Variants in MORF4L1 observed in about 807,000 individuals in gnomAD.
MORF4L1 encodes the protein mortality factor 4 like 1.
In MORF4L1, 4 loss-of-function variants were observed where a neutral mutation model predicts 52.9. The ratio of observed to expected loss-of-function variants is 0.08; its 90% confidence interval spans 0.04 to 0.17. MORF4L1 has a LOEUF of 0.17. Ranked by LOEUF, MORF4L1 falls within the 10% of genes least tolerant of loss-of-function variation. The pLI, the probability that MORF4L1 is intolerant of heterozygous loss-of-function variation, is 1.00. For synonymous variants in MORF4L1, 123 were observed against 134.8 expected (o/e 0.91, Z 0.61); for missense variants, 214 against 390.4 (o/e 0.55, Z 3.81).
intron 3 of MORF4L1, among the ~76,000 whole-genome samples, chr15:78,883,599 C>T (rs535492735): frequency 2.6e-5 from 4 of 151,170 alleles, no homozygotes; most frequent in Admixed American, 2.6e-4. Context: ...ACTAATTTGA[C>T]ACATATTAAT....
At chr15:78,885,677 G>A (rs6495350) in intron 3 of MORF4L1, among the ~76,000 whole-genome samples, 4,351 of 152,244 alleles carry the variant, frequency 0.029, 240 homozygotes, top group African/African-American at 0.1. Context: ...ACAGTTATTT[G>A]AGATAAGTAC....
chr15:78,891,017 AAG>A lies in MORF4L1; in HGVS notation c.349+5_349+6del. Reference sequence around the variant, plus strand: ...AACGAAAAAGAACAAACAGAAAAGTAAGAATATTAACTTTCTTAACGTTAATT... The same window carrying A: ...AACGAAAAAGAACAAACAGAAAAGTAAATATTAACTTTCTTAACGTTAATT... On this transcript the variant is annotated splice_donor_5th_base_variant and intron_variant, in intron 6 of 11. Transcript: ENST00000426013. The A allele has an allele frequency of 2.7e-6, 4 of 1,467,414 alleles. No homozygotes were observed. Among genetic ancestry groups the A allele is most frequent in the Non-Finnish European group, 2.8e-6 (3 of 1,087,248 alleles). 90.9% of individuals were successfully genotyped at this position (1,467,414 alleles called of 1,614,324 possible). A position where few individuals can be genotyped will look rare whatever the true frequency, so the allele number is the denominator to read the frequency against.
chr15:78,887,558 T>C (rs369003017), intron 5 of MORF4L1: 8 of 427,078 alleles, frequency 1.9e-5, no homozygotes, highest in African/African-American at 1.0e-4. Context: ...TTAACTTGTG[T>C]GTATAAATAT....
At chr15:78,885,926 T>C (rs1454571108) in intron 3 of MORF4L1, among the ~76,000 whole-genome samples, 4 of 152,268 alleles carry the variant, frequency 2.6e-5, no homozygotes, top group East Asian at 1.9e-4. Flanking sequence ...TTTTGGACTC[T>C]GGCAGCTTAG....
rs753429550 is a variant in MORF4L1, at chr15:78,897,084, C to G, written c.*17C>G. 1.9e-6 allele frequency: 3 copies of G among 1,587,790 alleles called. No homozygotes were observed. The African/African-American group carries it at 4.0e-5, about 21-fold the overall frequency. On this transcript the variant is annotated 3_prime_UTR_variant, in exon 12 of 12. Coordinates refer to ENST00000426013, the MANE Select transcript of MORF4L1 (RefSeq NM_006791.4). ...GCTGTGTGAGAGGCACTCTCACTCA[C>G]TTATGTTTGGATCTCCGTAAACACA...
intron 4 of MORF4L1, among the ~76,000 whole-genome samples, chr15:78,886,616 CTA>C (rs764236563): frequency 2.0e-5 from 3 of 152,070 alleles, no homozygotes; most frequent in Non-Finnish European, 2.9e-5. Context: ...CTGAAAGACT[CTA>C]TGATTTATAG....
chr15:78,896,922 A>C, intron 11 of MORF4L1, 61 bp from the exon 12 acceptor site: 2 of 1,262,366 alleles, frequency 1.6e-6, no homozygotes, highest in Non-Finnish European at 2.3e-6. Context: ...AATATATAGG[A>C]AGAGATTTGG....
chr15:78,887,542 C>G (rs1282215214), intron 5 of MORF4L1, 193 bp downstream of exon 5: 9 of 455,564 alleles, frequency 2.0e-5, no homozygotes, highest in South Asian at 4.2e-5. Context: ...CAGGTTCCCC[C>G]TCCCTTTAAC....
chr15:78,881,919 C>T (rs1191268660), intron 3 of MORF4L1, among the ~76,000 whole-genome samples: 1 of 152,160 alleles, frequency 6.6e-6, no homozygotes, highest in Non-Finnish European at 1.5e-5. Context: ...TTTATTTTTC[C>T]TGTGAAGTTC....
intron 5 of MORF4L1, chr15:78,890,605 C>G (rs558843293): frequency 1.3e-5 from 2 of 153,820 alleles, no homozygotes; most frequent in Non-Finnish European, 2.9e-5. Flanking sequence ...CCTCAGCTTC[C>G]CAAGTAGCTG....
At position 78,894,348 on chromosome 15, in the gene MORF4L1, T is replaced by C. The variant is rs187578035; in HGVS notation, c.802+118T>C. The C allele has an allele frequency of 6.7e-4, 508 of 758,090 alleles. 3 individuals carry two copies. In the African/African-American group the frequency reaches 8.3e-3, roughly 12 times the overall value. The allele number at this position is 758,090 out of a possible 1,614,324, so 47.0% of individuals were successfully genotyped here. A position where few individuals can be genotyped will look rare whatever the true frequency, so the allele number is the denominator to read the frequency against. On this transcript the variant is annotated intron_variant, in intron 10 of 11. Transcript: ENST00000426013. The stretch of plus-strand genomic sequence containing the variant: ...ACTCCCATTTTAATTTGAACTTTTA[T>C]CTAGAATGTTAAATAGCAAAATCTC...
At position 78,897,984 on chromosome 15, in the gene MORF4L1, T is replaced by C. The variant is rs1330353978; in HGVS notation, c.*917T>C. 6.6e-6 allele frequency: 1 copy of C among 152,286 alleles called. No individual in the cohort carries two copies. Among genetic ancestry groups the C allele is most frequent in the South Asian group, 2.1e-4 (1 of 4,832 alleles). The allele number at this position is 152,286 out of a possible 1,614,324, so 9.4% of individuals were successfully genotyped here. A position where few individuals can be genotyped will look rare whatever the true frequency, so the allele number is the denominator to read the frequency against. Reference sequence around the variant, plus strand: ...ATTTTCCCTAAATTATTACTTACTCTGAGCATTAATTAAGGGCATTTTCAC... The same window carrying C: ...ATTTTCCCTAAATTATTACTTACTCCGAGCATTAATTAAGGGCATTTTCAC... On this transcript the variant is annotated 3_prime_UTR_variant, in exon 12 of 12. Coordinates refer to ENST00000426013, the MANE Select transcript of MORF4L1 (RefSeq NM_006791.4).
At chr15:78,878,752 T>C (rs2141591216) in intron 2 of MORF4L1, among the ~76,000 whole-genome samples, 1 of 152,342 alleles carries the variant, frequency 6.6e-6, no homozygotes, top group South Asian at 2.1e-4. Flanking sequence ...TTATAAAAAC[T>C]GATTTTACAT....
intron 11 of MORF4L1, among the ~76,000 whole-genome samples, chr15:78,895,302 TAC>T (rs141995481): frequency 2.7e-5 from 4 of 148,966 alleles, no homozygotes; most frequent in African/African-American, 4.9e-5. Flanking sequence ...GTACCTTTAA[TAC>T]ACACAGAGTT....
chr15:78,877,494 C>T (rs970185863), intron 1 of MORF4L1, among the ~76,000 whole-genome samples: 3 of 152,138 alleles, frequency 2.0e-5, no homozygotes, highest in Admixed American at 2.0e-4. Context: ...CTTTTGAAAC[C>T]AAGTGGACTG....
intron 1 of MORF4L1, among the ~76,000 whole-genome samples, chr15:78,876,902 G>A (rs915131273): frequency 4.6e-5 from 7 of 152,034 alleles, no homozygotes; most frequent in African/African-American, 1.7e-4. Flanking sequence ...GGTCTTTGGT[G>A]GGGCTTGAAA....
chr15:78,882,117 T>C (rs2056613771), intron 3 of MORF4L1, among the ~76,000 whole-genome samples: 1 of 152,206 alleles, frequency 6.6e-6, no homozygotes, highest in Admixed American at 6.5e-5. Flanking sequence ...TAGAAGTGCA[T>C]CCTGACAACT....
chr15:78,892,479 T>G, intron 8 of MORF4L1, 166 bp downstream of exon 8: 1 of 493,622 alleles, frequency 2.0e-6, no homozygotes, highest in Non-Finnish European at 3.7e-6. Flanking sequence ...CCAGAAAGAG[T>G]AAGTTAGAAG....
chr15:78,874,547 T>C (rs1243374760), intron 1 of MORF4L1, among the ~76,000 whole-genome samples: 1 of 151,470 alleles, frequency 6.6e-6, no homozygotes, highest in African/African-American at 2.4e-5. Context: ...TCTGTTTTGT[T>C]TTTTAGGGTT....
Sources: allele counts gnomAD v4.1 joint callset (sites outside exome capture counted in the v4.1 genomes callset), GRCh38; gene constraint gnomAD v4.1.1; transcripts MANE v1.5; gene names NCBI Gene and HGNC (gene_info 2026-07-23, HGNC 2026-07-21).